The following DOCK6 variants were observed in gnomAD, a reference collection of about 807,000 sequenced individuals.
DOCK6 encodes dedicator of cytokinesis 6, also known as dedicator of cytokinesis protein 6.
DOCK6 carries 167 observed loss-of-function variants against 230.3 expected under a neutral mutation model. That is an observed-to-expected ratio of 0.73 (90% confidence interval 0.64 to 0.82). The LOEUF (loss-of-function observed/expected upper bound fraction) is 0.82. Ranked by LOEUF, DOCK6 falls within the 40% of genes least tolerant of loss-of-function variation. The pLI is 0.00. For missense variants in DOCK6, 2,598 were observed against 2,825.8 expected, an observed-to-expected ratio of 0.92 and a Z score of 1.83; for synonymous variants, 1,148 against 1,185.0, an observed-to-expected ratio of 0.97 and a Z score of 0.64.
At chr19:11,228,060 G>A (rs1030622822) in intron 23 of DOCK6, among the ~76,000 whole-genome samples, 1 of 149,940 alleles carries the variant, frequency 6.7e-6, no homozygotes, top group Non-Finnish European at 1.5e-5. Context: ...ACCCAGGCTG[G>A]TGTGCAGTGG....
intron 14 of DOCK6, chr19:11,241,739 G>T: frequency 1.3e-6 from 2 of 1,556,098 alleles, no homozygotes; most frequent in Non-Finnish European, 8.7e-7. Flanking sequence ...ACACTTCCAC[G>T]CCCCGTGAGG....
intron 22 of DOCK6, among the ~76,000 whole-genome samples, chr19:11,231,128 G>C (rs780033762): frequency 6.6e-6 from 1 of 152,202 alleles, no homozygotes; most frequent in Non-Finnish European, 1.5e-5. Flanking sequence ...CCCTGGGCCT[G>C]TCATAGGGTA....
chr19:11,217,022 T>G lies in DOCK6; in HGVS notation c.3786A>C (p.Lys1262Asn). Residue 1262 changes from lysine to asparagine, a missense_variant, in exon 30 of 48, where the codon AAA becomes AAC. Transcript: ENST00000294618. ...GCTGCAGGAGCGCCGGCTCGGTGTT[T>G]TTCAGCACCCACAGCACACACGCCA... ...TLLACVLWVL[K>N]NTEPALLQRW... The G allele has an allele frequency of 6.2e-7, 1 of 1,613,612 alleles. No homozygotes were observed. Among genetic ancestry groups the G allele is most frequent in the African/African-American group, 1.3e-5 (1 of 75,042 alleles).
At chr19:11,209,722 G>A (rs1240524510) in intron 37 of DOCK6, among the ~76,000 whole-genome samples, 4 of 70,350 alleles carry the variant, frequency 5.7e-5, no homozygotes, top group Admixed American at 1.6e-4. Flanking sequence ...CCCTTCACCT[G>A]TCTATCCCCT....
chr19:11,223,292 C>T (rs1273590854), intron 24 of DOCK6, among the ~76,000 whole-genome samples, 186 bp from the exon 25 acceptor site: 1 of 152,144 alleles, frequency 6.6e-6, no homozygotes. Flanking sequence ...TCCCATGCTC[C>T]TTAAGACACC....
At chr19:11,232,326 G>A (rs1457761926) in intron 22 of DOCK6, 1 of 1,280,706 alleles carries the variant, frequency 7.8e-7, no homozygotes. Flanking sequence ...ATCCCCAGTG[G>A]AGGGCAGGGA....
chr19:11,218,265 G>A (rs2079526080), intron 28 of DOCK6, among the ~76,000 whole-genome samples: 1 of 152,054 alleles, frequency 6.6e-6, no homozygotes, highest in South Asian at 2.1e-4. Context: ...TCGTGCCTCA[G>A]CCTCCCGAGT....
chr19:11,227,167 G>A (rs1006873592), intron 24 of DOCK6, among the ~76,000 whole-genome samples, 170 bp downstream of exon 24: 4 of 152,224 alleles, frequency 2.6e-5, no homozygotes, highest in Non-Finnish European at 5.9e-5. Context: ...GCACAGGGCT[G>A]TGCACGTTAC....
intron 14 of DOCK6, chr19:11,240,284 T>G: frequency 6.3e-7 from 1 of 1,580,628 alleles, no homozygotes; most frequent in East Asian, 2.3e-5. Context: ...ACCGAGAATT[T>G]GAGGTCTTAA....
chr19:11,262,405 C>G lies in DOCK6; in HGVS notation c.36G>C (p.Lys12Asn). 7.8e-7 allele frequency: 1 copy of G among 1,280,792 alleles called. No individual in the cohort carries two copies. Among genetic ancestry groups the G allele is most frequent in the Non-Finnish European group, 9.9e-7 (1 of 1,012,756 alleles). The allele number at this position is 1,280,792 out of a possible 1,614,324, so 79.3% of individuals were successfully genotyped here. A position where few individuals can be genotyped will look rare whatever the true frequency, so the allele number is the denominator to read the frequency against. The stretch of plus-strand genomic sequence containing the variant: ...CCCCGCGGCCACACTACCTGTTGAT[C>G]TTGTGCGCGAAGGCGCGGCGCTCGG... The part of the protein sequence containing the change: ...AASERRAFAH[K>N]INRTVAAEVR... The change falls in exon 1 of 48, where the codon AAG (lysine) becomes AAC (asparagine). Residue 12 changes from lysine to asparagine, a missense_variant. Physicochemically the swap from Lys to Asn is moderately conservative, Grantham distance 94. Transcript: ENST00000294618.
rs372306928 is a variant in DOCK6, at chr19:11,222,404, G to A, written c.3241-156C>T. 1.4e-5 allele frequency: 15 copies of A among 1,090,118 alleles called. No individual in the cohort carries two copies. The East Asian group carries it at 2.1e-4, about 15-fold the overall frequency. The allele number at this position is 1,090,118 out of a possible 1,614,324, so 67.5% of individuals were successfully genotyped here. On this transcript the variant is annotated intron_variant, in intron 26 of 47. Transcript: ENST00000294618. This position sits in a 1 kb window ranked among gnomAD's most constrained non-coding sequence, Gnocchi z 4.0. Reference sequence around the variant, plus strand: ...CATCTGGAGGTGACAGTGGGCATGGGTTTCAAGGCCAGAAGTGAGGGGCTG... The same window carrying A: ...CATCTGGAGGTGACAGTGGGCATGGATTTCAAGGCCAGAAGTGAGGGGCTG...
intron 5 of DOCK6, 70 bp downstream of exon 5, chr19:11,252,049 T>A: frequency 6.4e-7 from 1 of 1,553,972 alleles, no homozygotes; most frequent in Non-Finnish European, 8.7e-7. Flanking sequence ...TCCTGTCACA[T>A]GTGACCAAAA....
In DOCK6 at chr19:11,215,814, A is replaced by G. The variant is rs2079476377; in HGVS notation, c.4008T>C (p.Val1336=). ...LGTIGARQEM[V]RRSRERSPFG... is the part of the protein sequence containing the mutation. ...TCACCCTCTTACCACGACTTCGCCG[A>G]ACCATTTCTTGTCGAGCTCCGATGG... Residue 1336 remains valine, a synonymous_variant, in exon 31 of 48, where the codon GTT becomes GTC. Transcript: ENST00000294618. 6.2e-7 allele frequency: 1 copy of G among 1,613,958 alleles called. No homozygotes were observed.
chr19:11,237,183 G>A, intron 18 of DOCK6: 2 of 592,260 alleles, frequency 3.4e-6, no homozygotes, highest in Middle Eastern at 4.5e-4. Context: ...GCATTCATGG[G>A]GAATGATAAG....
chr19:11,202,335 A>C lies in DOCK6; in HGVS notation c.5451+59T>G, dbSNP rs2079183238. The C allele has an allele frequency of 5.1e-6, 8 of 1,572,914 alleles. No individual in the cohort carries two copies. The highest frequency in any genetic ancestry group is 6.9e-6 in the Non-Finnish European group (8 of 1,156,078). On this transcript the variant is annotated intron_variant, in intron 43 of 47. Coordinates refer to ENST00000294618, the MANE Select transcript of DOCK6 (RefSeq NM_020812.4). The surrounding 1 kb of genome is among the most constrained non-coding windows in gnomAD (Gnocchi z 5.3). ...GAAAGAGGATTTGAGGGTCCCCAGG[A>C]AACAGCACTTGGAGTCTCTGTGAAT... is the stretch of plus-strand genomic sequence containing the variant.
At chr19:11,244,181 T>C (rs1379842306) in intron 9 of DOCK6, among the ~76,000 whole-genome samples, 1 of 152,022 alleles carries the variant, frequency 6.6e-6, no homozygotes, top group Non-Finnish European at 1.5e-5. Context: ...TATGTATGTA[T>C]GTATTATATA....
intron 22 of DOCK6, among the ~76,000 whole-genome samples, chr19:11,230,432 G>A (rs1044750402): frequency 6.6e-6 from 1 of 152,220 alleles, no homozygotes; most frequent in Non-Finnish European, 1.5e-5. Flanking sequence ...CAACAGGCAG[G>A]AGGAGTGTGG....
In DOCK6 at chr19:11,222,711, G is replaced by A; in HGVS notation, c.3240+24C>T. 1 of 1,550,724 alleles carries A rather than the reference G, an allele frequency of 6.4e-7. No individual in the cohort carries two copies. The highest frequency in any genetic ancestry group is 2.4e-5 in the East Asian group (1 of 41,896). ...GTGAGAGGTTGTAGGTCAAAGAGAG[G>A]AGGCAGAAGTGAAGGCAGCCCACCT... On this transcript the variant is annotated intron_variant, in intron 26 of 47. Transcript: ENST00000294618. The surrounding 1 kb of genome is among the most constrained non-coding windows in gnomAD (Gnocchi z 4.0).
chr19:11,231,183 G>T (rs1368969545), intron 22 of DOCK6, among the ~76,000 whole-genome samples: 2 of 152,196 alleles, frequency 1.3e-5, no homozygotes, highest in Non-Finnish European at 2.9e-5. Flanking sequence ...AGGCCCTAGG[G>T]CCAAGTGTGT....
Sources: allele counts gnomAD v4.1 joint callset (sites outside exome capture counted in the v4.1 genomes callset), GRCh38; gene constraint gnomAD v4.1.1; non-coding constraint Gnocchi (gnomAD v3.1); transcripts MANE v1.5; gene names NCBI Gene and HGNC (gene_info 2026-07-23, HGNC 2026-07-21).